Variants in LRIG1 observed in about 807,000 individuals in gnomAD.
The protein encoded by LRIG1 is leucine-rich repeats and immunoglobulin-like domains protein 1.
In LRIG1, 48 loss-of-function variants were observed where a neutral mutation model predicts 99.2. That is an observed-to-expected ratio of 0.48 (90% confidence interval 0.38 to 0.62). The LOEUF (loss-of-function observed/expected upper bound fraction) is 0.62, where lower values mean the gene tolerates loss of function less well. LRIG1 is among the 20% of genes least tolerant of loss of function. LRIG1 has a pLI of 0.00. For missense variants in LRIG1, 1,646 were observed against 1,434.4 expected (o/e 1.15, Z -2.38); for synonymous variants, 772 against 596.1 (o/e 1.29, Z -4.30).
intron 1 of LRIG1, among the ~76,000 whole-genome samples, chr3:66,475,070 A>C (rs945490205): frequency 4.6e-5 from 7 of 152,214 alleles, no homozygotes; most frequent in Non-Finnish European, 7.3e-5. Flanking sequence ...TGGTCATACC[A>C]AATTGAGACA....
chr3:66,405,121 G>A lies in LRIG1; in HGVS notation c.1160+77C>T. On this transcript the variant is annotated intron_variant, in intron 9 of 18. Coordinates refer to ENST00000273261, the MANE Select transcript of LRIG1 (RefSeq NM_015541.3). ...CTGGGCCCAGAGCAGAGAGGCGCGG[G>A]GGGCGCCACAGAAACATCTCCCACC... The A allele has an allele frequency of 3.9e-6, 5 of 1,294,616 alleles. No individual in the cohort carries two copies. In the South Asian group the frequency reaches 4.8e-5, roughly 13 times the overall value. The allele number at this position is 1,294,616 out of a possible 1,614,324, so 80.2% of individuals were successfully genotyped here.
chr3:66,447,063 A>T (rs1456173838), intron 3 of LRIG1, among the ~76,000 whole-genome samples: 1 of 152,006 alleles, frequency 6.6e-6, no homozygotes, highest in Non-Finnish European at 1.5e-5. Context: ...TGGTAAGTTC[A>T]TTTTTTTAAA....
In LRIG1 at chr3:66,386,080, G is replaced by A. The variant is rs781536562; in HGVS notation, c.1690C>T (p.Leu564Phe). 2 of 1,614,060 alleles carry A rather than the reference G, an allele frequency of 1.2e-6. No individual in the cohort carries two copies. The highest frequency in any genetic ancestry group is 1.6e-4 in the Middle Eastern group (1 of 6,084). Residue 564 changes from leucine to phenylalanine, a missense_variant, in exon 13 of 19, where the codon CTC becomes TTC. By Grantham distance (22) the Leu-to-Phe change is conservative (BLOSUM62 0). Transcript: ENST00000273261. ...TCGTGCCCGAAAGTGACCTGACGGA[G>A]GTGCAGGATGGTGGTGTACTCCATC... ...EVMEYTTILH[L>F]RQVTFGHEGR...
chr3:66,498,578 A>C (rs1332771986), intron 1 of LRIG1, among the ~76,000 whole-genome samples: 3 of 152,160 alleles, frequency 2.0e-5, no homozygotes, highest in East Asian at 1.9e-4. Context: ...AAAAAAAAAA[A>C]AAACTACCGT....
chr3:66,455,255 GTTAT>G, intron 2 of LRIG1, among the ~76,000 whole-genome samples: 1 of 152,144 alleles, frequency 6.6e-6, no homozygotes. Flanking sequence ...TTTTCTTGCT[GTTAT>G]TTATTTACTC....
intron 3 of LRIG1, among the ~76,000 whole-genome samples, chr3:66,441,887 C>G (rs1224326175): frequency 1.3e-5 from 2 of 152,216 alleles, no homozygotes; most frequent in African/African-American, 4.8e-5. Context: ...TACTTGCCGT[C>G]TCTGTGCTTT....
intron 3 of LRIG1, among the ~76,000 whole-genome samples, chr3:66,418,115 CAG>C (rs35640331): frequency 0.16 from 24,826 of 151,814 alleles, 2,251 homozygotes; most frequent in Admixed American, 0.24. Context: ...GTTTTTGAGA[CAG>C]AGTCTCGCTC....
At chr3:66,398,841 A>C (rs1004620265) in intron 10 of LRIG1, 129 bp downstream of exon 10, 2 of 732,442 alleles carry the variant, frequency 2.7e-6, no homozygotes, top group Admixed American at 4.5e-5. Flanking sequence ...CATAATGAGA[A>C]GGAAGCAGCT....
In LRIG1 at chr3:66,401,537, T is replaced by A. The variant is rs186502296; in HGVS notation, c.1161-2496A>T. ...TTATTTTTAACGGTGACAATAGCAATAAAATAAATTCTCAAATTCTCAATT... is the reference window on the plus strand; with the variant it reads ...TTATTTTTAACGGTGACAATAGCAAAAAAATAAATTCTCAAATTCTCAATT... On this transcript the variant is annotated intron_variant, in intron 9 of 18. Coordinates refer to ENST00000273261, the MANE Select transcript of LRIG1 (RefSeq NM_015541.3). 1.2e-4 allele frequency: 123 copies of A among 1,065,694 alleles called. No individual in the cohort carries two copies. The African/African-American group carries it at 1.6e-3, about 14-fold the overall frequency. 66.0% of individuals were successfully genotyped at this position (1,065,694 alleles called of 1,614,324 possible).
At chr3:66,404,656 C>T (rs1206105796) in intron 9 of LRIG1, among the ~76,000 whole-genome samples, 1 of 152,066 alleles carries the variant, frequency 6.6e-6, no homozygotes, top group African/African-American at 2.4e-5. Flanking sequence ...ACAACACACA[C>T]AGGTGCTTGG....
At chr3:66,427,619 G>T (rs1703026452) in intron 3 of LRIG1, among the ~76,000 whole-genome samples, 1 of 152,190 alleles carries the variant, frequency 6.6e-6, no homozygotes, top group Non-Finnish European at 1.5e-5. Flanking sequence ...GGGCAACACA[G>T]TGAGACCCTC....
At chr3:66,416,378 CT>C (rs1702614016) in intron 4 of LRIG1, among the ~76,000 whole-genome samples, 1 of 152,188 alleles carries the variant, frequency 6.6e-6, no homozygotes, top group African/African-American at 2.4e-5. Context: ...CTAAACCAGC[CT>C]TGCGAATGCG....
intron 1 of LRIG1, among the ~76,000 whole-genome samples, chr3:66,473,125 T>G (rs1286528421): frequency 1.3e-5 from 2 of 152,216 alleles, no homozygotes; most frequent in Non-Finnish European, 2.9e-5. Flanking sequence ...GAGCAATGTA[T>G]AGGTTTCCTA....
intron 1 of LRIG1, among the ~76,000 whole-genome samples, chr3:66,492,510 C>T (rs765091098): frequency 6.6e-6 from 1 of 152,090 alleles, no homozygotes; most frequent in Non-Finnish European, 1.5e-5. Context: ...TAAGAGAGAC[C>T]TTCACTCATT....
At position 66,445,478 on chromosome 3, in the gene LRIG1, C is replaced by T. The variant is rs938076470; in HGVS notation, c.365+6081G>A. On this transcript the variant is annotated intron_variant, in intron 3 of 18. Coordinates refer to ENST00000273261, the MANE Select transcript of LRIG1 (RefSeq NM_015541.3). Reference sequence around the variant, plus strand: ...TGGAGGGACCAGCAGATAATTCCTCCGAAGGAAGGATGGGGCAACCCTTGG... The same window carrying T: ...TGGAGGGACCAGCAGATAATTCCTCTGAAGGAAGGATGGGGCAACCCTTGG... Among the ~76,000 whole-genome samples the T allele has an allele frequency of 3.9e-5, 6 of 152,036 alleles. No homozygotes were observed. In the South Asian group the frequency reaches 6.2e-4, roughly 16 times the overall value.
chr3:66,474,364 A>G (rs866367180), intron 1 of LRIG1, among the ~76,000 whole-genome samples: 20 of 142,158 alleles, frequency 1.4e-4, no homozygotes, highest in Admixed American at 1.0e-3. Context: ...TTTTTTTTTG[A>G]AATGGAGTTT....
intron 1 of LRIG1, among the ~76,000 whole-genome samples, chr3:66,487,995 C>T (rs1282855259): frequency 6.6e-6 from 1 of 151,704 alleles, no homozygotes; most frequent in Non-Finnish European, 1.5e-5. Context: ...GAATTTGTTC[C>T]GGAAAACAAT....
At position 66,417,245 on chromosome 3, in the gene LRIG1, G is replaced by C. The variant is rs775148095; in HGVS notation, c.387C>G (p.Ser129Arg). Residue 129 changes from serine (S) to arginine (R), a missense_variant, in exon 4 of 19, where the codon AGC becomes AGG. Ser to Arg is a moderately radical substitution (Grantham distance 110). Coordinates refer to ENST00000273261, the MANE Select transcript of LRIG1 (RefSeq NM_015541.3). ...SLFLQHNKIR[S>R]VEGSQLKAYL... ...AGGCCTTCAGCTGGCTCCCCTCCAC[G>C]CTGCGAATCTTGTTGTGCTGCCTGA... 3 of 1,613,978 alleles carry C rather than the reference G, an allele frequency of 1.9e-6. No individual in the cohort carries two copies. Among genetic ancestry groups the C allele is most frequent in the East Asian group, 2.2e-5 (1 of 44,858 alleles).
intron 8 of LRIG1, among the ~76,000 whole-genome samples, chr3:66,407,086 C>G (rs1251777658): frequency 6.6e-6 from 1 of 152,168 alleles, no homozygotes; most frequent in African/African-American, 2.4e-5. Flanking sequence ...ACGTGGGCAT[C>G]ACTGCTTGAG....
Sources: allele counts gnomAD v4.1 joint callset (sites outside exome capture counted in the v4.1 genomes callset), GRCh38; gene constraint gnomAD v4.1.1; transcripts MANE v1.5; gene names NCBI Gene and HGNC (gene_info 2026-07-23, HGNC 2026-07-21).